The following SPTBN2 variants were observed in gnomAD, a reference collection of about 807,000 sequenced individuals.
SPTBN2 encodes the protein spectrin beta, non-erythrocytic 2.
Under a neutral mutation model 284.2 loss-of-function variants are expected in SPTBN2, and 107 were observed. The observed-to-expected ratio is 0.38, with a 90% CI of 0.32 to 0.44. SPTBN2 has a LOEUF of 0.44. SPTBN2 is among the 20% of genes least tolerant of loss of function. SPTBN2 has a pLI of 1.00. For synonymous variants in SPTBN2, 1,289 were observed against 1,354.8 expected (o/e 0.95, Z 1.07); for missense variants, 2,569 against 3,287.1 (o/e 0.78, Z 5.34).
chr11:66,694,584 A>C (rs1336632741), intron 21 of SPTBN2, among the ~76,000 whole-genome samples: 1 of 152,198 alleles, frequency 6.6e-6, no homozygotes, highest in Non-Finnish European at 1.5e-5. Flanking sequence ...TACTGTGCTC[A>C]CTACATGGGT....
upstream of SPTBN2, among the ~76,000 whole-genome samples, chr11:66,732,973 C>CAAAA (rs1942824030): frequency 2.0e-5 from 2 of 100,282 alleles, no homozygotes; most frequent in Non-Finnish European, 4.2e-5. Flanking sequence ...TTCAAAAAAC[C>CAAAA]AACCAACCAA....
intron 1 of SPTBN2, among the ~76,000 whole-genome samples, chr11:66,742,659 G>C (rs2135617298): frequency 6.6e-6 from 1 of 151,876 alleles, no homozygotes; most frequent in East Asian, 1.9e-4. Context: ...AGCCGGGCTA[G>C]AGTGCAGTGG....
chr11:66,691,289 G>T lies in SPTBN2; in HGVS notation c.5560C>A (p.Pro1854Thr). 6.5e-7 allele frequency: 1 copy of T among 1,531,024 alleles called. No individual in the cohort carries two copies. The highest frequency in any genetic ancestry group is 1.3e-5 in the South Asian group (1 of 78,222). The allele number at this position is 1,531,024 out of a possible 1,614,324, so 94.8% of individuals were successfully genotyped here. ...AYEHDIQALS[P>T]QVQQVQDDGH... is the part of the protein sequence containing the mutation. ...TCCTCATGCTTGGGTCAGACCTGGG[G>T]GCTGAGGGCCTGAATGTCATGCTCG... Residue 1854 changes from proline to threonine, a missense_variant, in exon 27 of 38, where the codon CCC becomes ACC. Pro to Thr is a conservative substitution (Grantham distance 38). This residue lies in a region of SPTBN2 where 1,130 missense variants were observed against 1,317.3 expected (regional missense o/e 0.86). Coordinates refer to ENST00000533211, the MANE Select transcript of SPTBN2 (RefSeq NM_006946.4). This position sits in a 1 kb window ranked among gnomAD's most constrained non-coding sequence, Gnocchi z 8.0.
Position 66,687,616 on chromosome 11 carries a change from G to T in SPTBN2, c.6533C>A (p.Pro2178His). 6.2e-7 allele frequency: 1 copy of T among 1,604,276 alleles called. No individual in the cohort carries two copies. Residue 2178 changes from proline to histidine, a missense_variant, in exon 35 of 38, where the codon CCC becomes CAC. Around this residue, in one of 6 missense-constraint regions of SPTBN2, gnomAD observed 1,130 missense variants for 1,317.3 expected, o/e 0.86. Coordinates refer to ENST00000533211, the MANE Select transcript of SPTBN2 (RefSeq NM_006946.4). The surrounding 1 kb of genome is among the most constrained non-coding windows in gnomAD (Gnocchi z 5.2). ...GPGSGDEANG[P>H]RGERQTRTRG... Reference sequence around the variant, plus strand: ...AGTCCGGGTCTGCCTCTCTCCCCGGGGCCCATTGGCTTCGTCCCCTGAGCC... The same window carrying T: ...AGTCCGGGTCTGCCTCTCTCCCCGGTGCCCATTGGCTTCGTCCCCTGAGCC...
chr11:66,687,976 TGGG>T lies in SPTBN2; in HGVS notation c.6450+25_6450+27del. 2 of 1,614,074 alleles carry T rather than the reference TGGG, an allele frequency of 1.2e-6. No individual in the cohort carries two copies. Among genetic ancestry groups the T allele is most frequent in the Non-Finnish European group, 1.7e-6 (2 of 1,179,950 alleles). On this transcript the variant is annotated intron_variant, in intron 33 of 37. Coordinates refer to ENST00000533211, the MANE Select transcript of SPTBN2 (RefSeq NM_006946.4). The surrounding 1 kb of genome is among the most constrained non-coding windows in gnomAD (Gnocchi z 5.2). ...GGGGGTGGAGGGGCTACGACTCCGA[TGGG>T]GGCACAGAGGGACAGTGGGGTCACC...
rs2135276414 is a variant in SPTBN2, at chr11:66,684,664, A to C, written c.*1207T>G. 6.6e-6 allele frequency among the ~76,000 whole-genome samples: 1 copy of C among 151,462 alleles called. No homozygotes were observed. Among genetic ancestry groups the C allele is most frequent in the South Asian group, 2.1e-4 (1 of 4,794 alleles). On this transcript the variant is annotated 3_prime_UTR_variant, in exon 38 of 38. Coordinates refer to ENST00000533211, the MANE Select transcript of SPTBN2 (RefSeq NM_006946.4). ...AAAAAAAAAAAAAAGAATATATATT[A>C]TCCTCTGTGTGTATATTTACATGCT...
At chr11:66,717,478 C>T (rs1942199923) in intron 3 of SPTBN2, among the ~76,000 whole-genome samples, 1 of 152,182 alleles carries the variant, frequency 6.6e-6, no homozygotes, top group African/African-American at 2.4e-5. Context: ...GACACAGCAA[C>T]ACACCCACGT....
chr11:66,739,672 ACTT>A (rs1188124687), intron 1 of SPTBN2, among the ~76,000 whole-genome samples: 1 of 152,232 alleles, frequency 6.6e-6, no homozygotes, highest in Non-Finnish European at 1.5e-5. Context: ...CACAAAGAAT[ACTT>A]CTCTTCCAGT....
chr11:66,689,729 G>T, intron 29 of SPTBN2, 76 bp downstream of exon 29: 1 of 1,595,634 alleles, frequency 6.3e-7, no homozygotes. Flanking sequence ...AGAATGAGAG[G>T]AAGCAGAAAG....
At position 66,707,620 on chromosome 11, in the gene SPTBN2, G is replaced by C. The variant is rs371919862; in HGVS notation, c.1549C>G (p.Arg517Gly). The change falls in exon 13 of 38, where the codon CGG (arginine) becomes GGG (glycine). Residue 517 changes from arginine (R) to glycine (G), a missense_variant. Arg to Gly is a moderately radical substitution (Grantham distance 125). Around this residue, in one of 6 missense-constraint regions of SPTBN2, gnomAD observed 1,012 missense variants for 1,248.9 expected, o/e 0.81. Transcript: ENST00000533211. This position sits in a 1 kb window ranked among gnomAD's most constrained non-coding sequence, Gnocchi z 4.9. Reference protein sequence around the residue: ...HNVARLWDFLRQMVAARRERL... With the variant: ...HNVARLWDFLGQMVAARRERL... ...TCCCGCCGGGCGGCCACCATCTGCC[G>C]CAAGAAGTCCCAGAGCCGTGCCACG... is the stretch of plus-strand genomic sequence containing the variant. 1 of 1,610,730 alleles carries C rather than the reference G, an allele frequency of 6.2e-7. No individual in the cohort carries two copies. The highest frequency in any genetic ancestry group is 8.5e-7 in the Non-Finnish European group (1 of 1,179,988).
rs148016656 is a variant in SPTBN2 at position 66,701,062 on chromosome 11, C to T, written c.3037G>A (p.Ala1013Thr). 51 of 1,610,430 alleles carry T rather than the reference C, an allele frequency of 3.2e-5. No individual in the cohort carries two copies. The highest frequency in any genetic ancestry group is 3.3e-4 in the Middle Eastern group (2 of 6,062). ...TCTCGAGTCAGTTCGCCCACCCGGG[C>T]GGCGATGGCCTCCAGGTCCCGCTCC... ...GTERDLEAIA[A>T]RVGELTREAN... Residue 1013 changes from alanine to threonine, a missense_variant, in exon 17 of 38, where the codon GCC (alanine) becomes ACC (threonine). By Grantham distance (58) the Ala-to-Thr change is moderately conservative. Transcript: ENST00000533211.
Position 66,689,921 on chromosome 11 carries a change from C to A in SPTBN2, c.5833G>T (p.Val1945Phe), listed in dbSNP as rs999411435. Residue 1945 changes from valine to phenylalanine, a missense_variant, in exon 29 of 38, where the codon GTC (valine) becomes TTC (phenylalanine). Transcript: ENST00000533211. Reference sequence around the variant, plus strand: ...TTGATGCCTTGCTGGTTCTTGATGACTAGATCCGCGGAGGACACATCCCTG... The same window carrying A: ...TTGATGCCTTGCTGGTTCTTGATGAATAGATCCGCGGAGGACACATCCCTG... ...RPRDVSSADL[V>F]IKNQQGIKAE... The A allele has an allele frequency of 1.2e-6, 2 of 1,614,064 alleles. No homozygotes were observed. The highest frequency in any genetic ancestry group is 1.7e-6 in the Non-Finnish European group (2 of 1,180,016).
rs773673472 is a variant in SPTBN2, at chr11:66,708,938, C to T, written c.1155G>A (p.Thr385=). 5 of 1,613,774 alleles carry T rather than the reference C, an allele frequency of 3.1e-6. No individual in the cohort carries two copies. Among genetic ancestry groups the T allele is most frequent in the East Asian group, 2.2e-5 (1 of 44,856 alleles). The part of the protein sequence containing the change: ...KLRANNQKVY[T]PREGRLISDI... The stretch of plus-strand genomic sequence containing the variant: ...CCGAGATGAGCCGGCCCTCGCGGGG[C>T]GTGTAGACCTTCTGGTTGTTGGCCC... Residue 385 remains threonine, a synonymous_variant, in exon 11 of 38, where the codon ACG becomes ACA. Transcript: ENST00000533211. This position sits in a 1 kb window ranked among gnomAD's most constrained non-coding sequence, Gnocchi z 4.4.
intron 8 of SPTBN2, among the ~76,000 whole-genome samples, chr11:66,711,234 C>T (rs1216359523): frequency 2.6e-5 from 4 of 152,164 alleles, no homozygotes; most frequent in African/African-American, 9.7e-5. Flanking sequence ...ACAAGAAGGG[C>T]CCTCCAAGCA....
chr11:66,692,795 C>T (rs780242956), intron 25 of SPTBN2, 55 bp from the exon 26 acceptor site: 23 of 1,598,276 alleles, frequency 1.4e-5, no homozygotes, highest in South Asian at 7.7e-5. Context: ...CTCTGACCTC[C>T]GGTCTGTTCT....
At position 66,721,325 on chromosome 11, in the gene SPTBN2, G is replaced by C. The variant is rs988814508; in HGVS notation, c.-23+25C>G. 5.8e-6 allele frequency: 9 copies of C among 1,558,530 alleles called. No homozygotes were observed. In the African/African-American group the frequency reaches 8.1e-5, roughly 14 times the overall value. ...ACCACCAAGCCCTCCACTCACCACC[G>C]GGGCCTTCTGTCTTCTTGCCCTACC... On this transcript the variant is annotated intron_variant, in intron 2 of 37. Coordinates refer to ENST00000533211, the MANE Select transcript of SPTBN2 (RefSeq NM_006946.4).
chr11:66,693,905 C>T lies in SPTBN2; in HGVS notation c.4504-44G>A, dbSNP rs769954869. 2.5e-6 allele frequency: 4 copies of T among 1,583,656 alleles called. No homozygotes were observed. The East Asian group carries it at 6.7e-5, about 27-fold the overall frequency. ...GTCAGTGGAGGCCCAGAGGGCAAGG[C>T]AAGCAGCAGGGACTGATTAGTGGGA... On this transcript the variant is annotated intron_variant, in intron 22 of 37. Transcript: ENST00000533211. The surrounding 1 kb of genome is among the most constrained non-coding windows in gnomAD (Gnocchi z 5.7).
intron 8 of SPTBN2, among the ~76,000 whole-genome samples, chr11:66,712,483 G>GTTCAA (rs1843553421): frequency 6.6e-6 from 1 of 151,364 alleles, no homozygotes; most frequent in Non-Finnish European, 1.5e-5. Flanking sequence ...GGAGGCGGAG[G>GTTCAA]TTGCAGTGAG....
intron 21 of SPTBN2, among the ~76,000 whole-genome samples, chr11:66,695,125 T>C (rs1271138753): frequency 6.6e-6 from 1 of 151,994 alleles, no homozygotes; most frequent in African/African-American, 2.4e-5. Flanking sequence ...TGCTCCTTCC[T>C]GGGGGACTCC....
Sources: gnomAD v4.1 joint callset for allele counts (sites outside exome capture counted in the v4.1 genomes callset) on GRCh38, gnomAD v4.1.1 for gene constraint, gnomAD v4.1.1 regional missense constraint, Gnocchi (gnomAD v3.1) non-coding constraint, MANE v1.5 for transcripts, NCBI Gene and HGNC (gene_info 2026-07-23, HGNC 2026-07-21) for gene names.